The following PRKN variants were observed in gnomAD, a reference collection of about 807,000 sequenced individuals.
PRKN encodes the protein E3 ubiquitin-protein ligase parkin.
In PRKN, 56 loss-of-function variants were observed where a neutral mutation model predicts 59.5. That is an observed-to-expected ratio of 0.94 (90% CI 0.76 to 1.18). PRKN has a LOEUF of 1.18. Ranked by LOEUF, PRKN falls within the 50% of genes most tolerant of loss-of-function variation. The pLI is 0.00. For missense variants in PRKN, 657 were observed against 596.4 expected, an observed-to-expected ratio of 1.10 and a Z score of -1.06; for synonymous variants, 250 against 222.1, an observed-to-expected ratio of 1.13 and a Z score of -1.12.
intron 4 of PRKN, among the ~76,000 whole-genome samples, chr6:162,133,344 A>G (rs1008866771): frequency 2.0e-5 from 3 of 152,188 alleles, no homozygotes; most frequent in Non-Finnish European, 4.4e-5. Context: ...GGGGGCCTGT[A>G]TAAGAAAGAC....
Position 162,626,475 on chromosome 6 carries a change from G to C in PRKN, c.7+101187C>G, listed in dbSNP as rs562818893. 5.9e-5 allele frequency among the ~76,000 whole-genome samples: 9 copies of C among 152,192 alleles called. No individual in the cohort carries two copies. In the East Asian group the frequency reaches 1.7e-3, roughly 29 times the overall value. ...TAAATTACTACTCTTACATTTCACAGATGAAAGAAACAGAATACTTTATAA... is the reference window on the plus strand; with the variant it reads ...TAAATTACTACTCTTACATTTCACACATGAAAGAAACAGAATACTTTATAA... On this transcript the variant is annotated intron_variant, in intron 1 of 11. Transcript: ENST00000366898.
chr6:162,077,200 C>T (rs1778864063), intron 4 of PRKN, among the ~76,000 whole-genome samples: 1 of 152,088 alleles, frequency 6.6e-6, no homozygotes, highest in Non-Finnish European at 1.5e-5. Context: ...TTCAAATGCA[C>T]AAATAATTAC....
At chr6:162,528,322 A>AT (rs1778376203) in intron 1 of PRKN, among the ~76,000 whole-genome samples, 1 of 129,708 alleles carries the variant, frequency 7.7e-6, no homozygotes, top group South Asian at 2.4e-4. Context: ...CCGTCTCAAA[A>AT]GAAAAAAAAA....
At chr6:162,250,043 G>A (rs972019586) in intron 3 of PRKN, among the ~76,000 whole-genome samples, 2 of 152,046 alleles carry the variant, frequency 1.3e-5, no homozygotes, top group Non-Finnish European at 2.9e-5. Flanking sequence ...CTACTCCGGA[G>A]GCTGAGGCAG....
Position 161,516,418 on chromosome 6 carries a change from G to C in PRKN, c.1083+32436C>G, listed in dbSNP as rs148125306. Among the ~76,000 whole-genome samples the C allele has an allele frequency of 3.5e-3, 440 of 126,248 alleles. 4 individuals are homozygous for C. Among genetic ancestry groups the C allele is most frequent in the African/African-American group, 0.013 (421 of 33,110 alleles). The allele number at this position is 126,248 out of a possible 152,430, so 82.8% of individuals were successfully genotyped here. A position where few individuals can be genotyped will look rare whatever the true frequency, so the allele number is the denominator to read the frequency against. On this transcript the variant is annotated intron_variant, in intron 9 of 11. Transcript: ENST00000366898. ...GGAGACAGAGGTTGCAGTGAGCCAA[G>C]ATTGCACCACTGTGCACTCCAGCCT...
At chr6:162,705,414 TAATC>T (rs1332490384) in intron 1 of PRKN, among the ~76,000 whole-genome samples, 1 of 152,178 alleles carries the variant, frequency 6.6e-6, no homozygotes, top group Non-Finnish European at 1.5e-5. Flanking sequence ...AATATGCCCT[TAATC>T]AAGAGGAATC....
chr6:162,273,129 T>G (rs1780468807), intron 2 of PRKN, among the ~76,000 whole-genome samples: 3 of 151,840 alleles, frequency 2.0e-5, no homozygotes, highest in African/African-American at 7.3e-5. Flanking sequence ...AGGGACTTTC[T>G]ATGTCAAAAG....
Position 162,000,121 on chromosome 6 carries a change from T to C in PRKN, c.619-26704A>G, listed in dbSNP as rs73785307. Among the ~76,000 whole-genome samples the C allele has an allele frequency of 6.9e-3, 1,055 of 152,248 alleles. 14 individuals are homozygous for C. The highest frequency in any genetic ancestry group is 0.025 in the African/African-American group (1,027 of 41,550). ...CTATAAATATCCATGTGCAGTCTTT[T>C]GTGTGGACATAAACTTTTAATTCAT... On this transcript the variant is annotated intron_variant, in intron 5 of 11. Coordinates refer to ENST00000366898, the MANE Select transcript of PRKN (RefSeq NM_004562.3).
At chr6:162,274,213 C>T (rs1283479209) in intron 2 of PRKN, among the ~76,000 whole-genome samples, 1 of 149,450 alleles carries the variant, frequency 6.7e-6, no homozygotes, top group African/African-American at 2.5e-5. Flanking sequence ...TTTGTGAGAC[C>T]AGGTCTCCCT....
At chr6:162,684,243 C>T (rs1562494738) in intron 1 of PRKN, among the ~76,000 whole-genome samples, 1 of 151,920 alleles carries the variant, frequency 6.6e-6, no homozygotes, top group Non-Finnish European at 1.5e-5. Context: ...TGCCAAGATC[C>T]TCTGATTTTT....
chr6:161,515,168 C>G (rs1381378125), intron 9 of PRKN, among the ~76,000 whole-genome samples: 1 of 152,196 alleles, frequency 6.6e-6, no homozygotes, highest in African/African-American at 2.4e-5. Context: ...ACACCTTCCT[C>G]CAACTGCATC....
chr6:161,865,081 G>C lies in PRKN; in HGVS notation c.735-79173C>G, dbSNP rs1043132368. ...CCATGGGCTGCAGAATGGGTGTTGT[G>C]TCAGCAGGGATGAAAACAACATTCA... On this transcript the variant is annotated intron_variant, in intron 6 of 11. Coordinates refer to ENST00000366898, the MANE Select transcript of PRKN (RefSeq NM_004562.3). Among the ~76,000 whole-genome samples the C allele has an allele frequency of 3.3e-5, 5 of 152,200 alleles. No individual in the cohort carries two copies. The East Asian group carries it at 9.6e-4, about 29-fold the overall frequency.
intron 4 of PRKN, among the ~76,000 whole-genome samples, chr6:162,106,080 G>T (rs1423167728): frequency 2.0e-5 from 3 of 152,208 alleles, no homozygotes; most frequent in Non-Finnish European, 4.4e-5. Flanking sequence ...ATGATTGGTT[G>T]ATAAGTTCCA....
intron 4 of PRKN, among the ~76,000 whole-genome samples, chr6:162,183,418 C>T (rs1783886001): frequency 6.6e-6 from 1 of 152,116 alleles, no homozygotes; most frequent in Non-Finnish European, 1.5e-5. Flanking sequence ...TCCTTGCTGA[C>T]CCACTCTGAG....
At chr6:162,209,528 T>C (rs533524621) in intron 3 of PRKN, among the ~76,000 whole-genome samples, 143 of 152,250 alleles carry the variant, frequency 9.4e-4, no homozygotes, top group African/African-American at 3.3e-3. Context: ...AGTTCAACCA[T>C]TGTGGAAGAC....
intron 1 of PRKN, among the ~76,000 whole-genome samples, chr6:162,599,297 A>G (rs1781607822): frequency 6.6e-6 from 1 of 152,154 alleles, no homozygotes; most frequent in African/African-American, 2.4e-5. Flanking sequence ...AGTCCCGGCA[A>G]CCAGTAGGCT....
chr6:161,713,840 C>G (rs1036765002), intron 7 of PRKN, among the ~76,000 whole-genome samples: 5 of 152,114 alleles, frequency 3.3e-5, no homozygotes, highest in Non-Finnish European at 7.3e-5. Flanking sequence ...GTAATTGAAT[C>G]ATGGGGCCGG....
chr6:161,449,748 C>T (rs2115117095), intron 9 of PRKN, among the ~76,000 whole-genome samples: 1 of 152,260 alleles, frequency 6.6e-6, no homozygotes, highest in East Asian at 1.9e-4. Context: ...GAGGCACTGA[C>T]TAGACTTCCG....
chr6:161,839,749 G>T, intron 6 of PRKN, among the ~76,000 whole-genome samples: 1 of 152,184 alleles, frequency 6.6e-6, no homozygotes, highest in East Asian at 1.9e-4. Flanking sequence ...GGAGCTACAG[G>T]AGGGGCGCAG....
Sources: allele counts gnomAD v4.1 joint callset (sites outside exome capture counted in the v4.1 genomes callset), GRCh38; gene constraint gnomAD v4.1.1; transcripts MANE v1.5; gene names NCBI Gene and HGNC (gene_info 2026-07-23, HGNC 2026-07-21).